SLC4A2: variants seen among roughly 807,000 people sequenced by gnomAD.
The protein encoded by SLC4A2 is solute carrier family 4 member 2.
Under a neutral mutation model 115.0 loss-of-function variants are expected in SLC4A2, and 36 were observed. The ratio of observed to expected loss-of-function variants is 0.31; its 90% CI spans 0.24 to 0.41. The LOEUF (loss-of-function observed/expected upper bound fraction) is 0.41. Among genes scored for constraint, SLC4A2 ranks in the 10% least tolerant of loss-of-function variants. The probability of loss-of-function intolerance (pLI) is 1.00; values close to 1 mark genes in which losing one functional copy is unlikely to be tolerated. For missense variants in SLC4A2, 1,252 were observed against 1,705.6 expected, an observed-to-expected ratio of 0.73 and a Z score of 4.68; for synonymous variants, 708 against 708.3, an observed-to-expected ratio of 1.00 and a Z score of 0.01.
Position 151,075,664 on chromosome 7 carries a change from A to C in SLC4A2, c.3360A>C (p.Gly1120=), listed in dbSNP as rs753504519. 2 of 1,609,642 alleles carry C rather than the reference A, an allele frequency of 1.2e-6. No homozygotes were observed. The highest frequency in any genetic ancestry group is 8.5e-7 in the Non-Finnish European group (1 of 1,178,362). Residue 1120 remains glycine (G), a synonymous_variant, in exon 21 of 23, where the codon GGA becomes GGC. Transcript: ENST00000413384. ...LRQIPLAVLF[G]IFLYMGVTSL... The stretch of plus-strand genomic sequence containing the variant: ...AGATCCCCCTGGCCGTGCTCTTTGG[A>C]ATTTTCCTGTACATGGGAGTCACCT...
Position 151,067,981 on chromosome 7 carries a change from G to A in SLC4A2, c.1074G>A (p.Glu358=), listed in dbSNP as rs757797132. ...KFEEDVEEET[E]RWGKPHVASL... is the part of the protein sequence containing the mutation. ...AAGAGGACGTGGAGGAGGAGACTGA[G>A]CGCTGGGGGAAGCCCCACGTGGCCT... is the stretch of plus-strand genomic sequence containing the variant. Residue 358 remains glutamate, a synonymous_variant, in exon 8 of 23, where the codon GAG becomes GAA. Coordinates refer to ENST00000413384, the MANE Select transcript of SLC4A2 (RefSeq NM_003040.4). 4 of 1,605,164 alleles carry A rather than the reference G, an allele frequency of 2.5e-6. No individual in the cohort carries two copies. Among genetic ancestry groups the A allele is most frequent in the Non-Finnish European group, 8.5e-7 (1 of 1,177,120 alleles).
At chr7:151,062,503 T>G in intron 2 of SLC4A2, 1 of 1,364,588 alleles carries the variant, frequency 7.3e-7, no homozygotes, top group East Asian at 2.8e-5. Flanking sequence ...CTTTGGATTT[T>G]CCTAAGGAGT....
At position 151,071,831 on chromosome 7, in the gene SLC4A2, C is replaced by T. The variant is rs984161473; in HGVS notation, c.2334C>T (p.Phe778=). Residue 778 remains phenylalanine, a synonymous_variant, in exon 15 of 23, where the codon TTC becomes TTT. Transcript: ENST00000413384. This position sits in a 1 kb window ranked among gnomAD's most constrained non-coding sequence, Gnocchi z 5.5. The part of the protein sequence containing the change: ...SGPLLVFEEA[F]FSFCSSNHLE... Reference sequence around the variant, plus strand: ...CCCTGCTGGTCTTTGAGGAGGCCTTCTTCTCGGTGAGGGCTCTTCTCGCCC... The same window carrying T: ...CCCTGCTGGTCTTTGAGGAGGCCTTTTTCTCGGTGAGGGCTCTTCTCGCCC... 2.5e-6 allele frequency: 4 copies of T among 1,602,032 alleles called. No individual in the cohort carries two copies. The highest frequency in any genetic ancestry group is 3.4e-6 in the Non-Finnish European group (4 of 1,175,940).
Position 151,070,925 on chromosome 7 carries a change from C to T in SLC4A2, c.1749+14C>T, listed in dbSNP as rs1445448742. 1.9e-6 allele frequency: 3 copies of T among 1,610,390 alleles called. No individual in the cohort carries two copies. The highest frequency in any genetic ancestry group is 2.5e-6 in the Non-Finnish European group (3 of 1,179,060). ...ATGTCAGACAAGGTCAGCTACCCTC[C>T]TCCTCTGGGCCCTGCTTCCTGGAGC... On this transcript the variant is annotated intron_variant, in intron 12 of 22. Coordinates refer to ENST00000413384, the MANE Select transcript of SLC4A2 (RefSeq NM_003040.4).
At chr7:151,073,921 C>G in intron 16 of SLC4A2, 118 bp from the exon 17 acceptor site, 1 of 1,095,404 alleles carries the variant, frequency 9.1e-7, no homozygotes, top group Non-Finnish European at 1.3e-6. Flanking sequence ...ACAAGACAAG[C>G]TCCTTGAAAG....
chr7:151,064,761 G>A lies in SLC4A2; in HGVS notation c.453G>A (p.Ser151=), dbSNP rs35033391. Residue 151 remains serine (S), a synonymous_variant, in exon 4 of 23, where the codon TCG becomes TCA. Coordinates refer to ENST00000413384, the MANE Select transcript of SLC4A2 (RefSeq NM_003040.4). ...CGTCCCCTGTCTCCACACCCTCCTC[G>A]GTGCAGGTGCGCTGGGTGCGGGCTC... ...TQPSPVSTPS[S]VQFFLQEDDS... The A allele has an allele frequency of 3.7e-5, 59 of 1,607,268 alleles. No individual in the cohort carries two copies. The highest frequency in any genetic ancestry group is 4.8e-5 in the Non-Finnish European group (57 of 1,175,262).
In SLC4A2 at chr7:151,067,894, G is replaced by A; in HGVS notation, c.987G>A (p.Glu329=). 6.2e-7 allele frequency: 1 copy of A among 1,612,434 alleles called. No individual in the cohort carries two copies. Among genetic ancestry groups the A allele is most frequent in the Non-Finnish European group, 8.5e-7 (1 of 1,179,508 alleles). ...CCAAGGTGTTTGTGGAGCTGAATGA[G>A]TTGCTCCTGGACAAAAACCAGGAGC... The part of the protein sequence containing the change: ...KPHEVFVELN[E]LLLDKNQEPQ... Residue 329 remains glutamate (E), a synonymous_variant, in exon 8 of 23, where the codon GAG becomes GAA. Coordinates refer to ENST00000413384, the MANE Select transcript of SLC4A2 (RefSeq NM_003040.4).
chr7:151,071,716 T>A lies in SLC4A2; in HGVS notation c.2219T>A (p.Val740Glu). The stretch of plus-strand genomic sequence containing the variant: ...GAGAAGACGCAGGACCTGATAGGGG[T>A]GTCGGAGCTGATTATGTCCACAGCG... ...LGEKTQDLIGVSELIMSTALQ... is the reference protein window; with the variant it reads ...LGEKTQDLIGESELIMSTALQ... Residue 740 changes from valine (V) to glutamate (E), a missense_variant, in exon 15 of 23, where the codon GTG (valine) becomes GAG (glutamate). By Grantham distance (121) the Val-to-Glu change is moderately radical. Transcript: ENST00000413384. The surrounding 1 kb of genome is among the most constrained non-coding windows in gnomAD (Gnocchi z 5.5). The A allele has an allele frequency of 6.2e-7, 1 of 1,610,666 alleles. No individual in the cohort carries two copies. The highest frequency in any genetic ancestry group is 8.5e-7 in the Non-Finnish European group (1 of 1,178,230).
chr7:151,068,143 G>A (rs1254422974), intron 8 of SLC4A2, 89 bp downstream of exon 8: 8 of 1,072,130 alleles, frequency 7.5e-6, no homozygotes, highest in African/African-American at 5.0e-5. Flanking sequence ...CCCACGTTGT[G>A]TGACAGCCCC....
intron 2 of SLC4A2, chr7:151,063,184 A>G (rs1311121974): frequency 3.7e-6 from 3 of 800,882 alleles, no homozygotes; most frequent in Non-Finnish European, 5.2e-6. Context: ...CCGCAGGATG[A>G]CTCAGGTGGG....
chr7:151,076,213 G>A, intron 22 of SLC4A2, 27 bp downstream of exon 22: 1 of 1,609,376 alleles, frequency 6.2e-7, no homozygotes, highest in Non-Finnish European at 8.5e-7. Context: ...GCCTCCCCCG[G>A]TTCCTCTTGC....
chr7:151,068,303 C>T (rs1266532468), intron 8 of SLC4A2, among the ~76,000 whole-genome samples: 2 of 152,176 alleles, frequency 1.3e-5, no homozygotes, highest in Non-Finnish European at 2.9e-5. Context: ...TTCTGAAATT[C>T]CTGGCATGCC....
rs575829399 is a variant in SLC4A2 at position 151,065,663 on chromosome 7, G to A, written c.578+697G>A. On this transcript the variant is annotated intron_variant, in intron 5 of 22. Coordinates refer to ENST00000413384, the MANE Select transcript of SLC4A2 (RefSeq NM_003040.4). ...AGGGCATGTTGTCCCCTCTGGGAGC[G>A]CATAACCTGCTGGGACCGTGGCACA... 1.4e-4 allele frequency among the ~76,000 whole-genome samples: 21 copies of A among 152,346 alleles called. No homozygotes were observed. In the South Asian group the frequency reaches 1.7e-3, roughly 12 times the overall value.
intron 1 of SLC4A2, 119 bp from the exon 2 acceptor site, chr7:151,061,806 G>T: frequency 1.7e-6 from 1 of 600,734 alleles, no homozygotes; most frequent in Non-Finnish European, 3.0e-6. Flanking sequence ...TGTGGCTGCC[G>T]CTAAGGGCCA....
At chr7:151,070,682 G>A (rs552827760) in intron 11 of SLC4A2, 45 bp from the exon 12 acceptor site, 33 of 1,606,640 alleles carry the variant, frequency 2.1e-5, no homozygotes, top group African/African-American at 8.0e-5. Context: ...ACTGGAAGGC[G>A]GTCCTGCTGC....
chr7:151,076,009 C>T lies in SLC4A2; in HGVS notation c.3472-4C>T, dbSNP rs1476197708. 3 of 1,582,710 alleles carry T rather than the reference C, an allele frequency of 1.9e-6. No homozygotes were observed. The highest frequency in any genetic ancestry group is 1.7e-4 in the Middle Eastern group (1 of 5,900). ...AGCTGGGCTCACCTGTCTCCGCCCCCCAGGTCCGGACCCTCCGTATGCACC... is the reference window on the plus strand; with the variant it reads ...AGCTGGGCTCACCTGTCTCCGCCCCTCAGGTCCGGACCCTCCGTATGCACC... On this transcript the variant is annotated splice_polypyrimidine_tract_variant and splice_region_variant and intron_variant, in intron 21 of 22. Transcript: ENST00000413384.
rs2303937 is a variant in SLC4A2 at position 151,071,699 on chromosome 7, G to A, written c.2202G>A (p.Thr734=). 0.45 allele frequency: 730,304 copies of A among 1,608,334 alleles called. 168,097 individuals carry two copies. The highest frequency in any genetic ancestry group is 0.62 in the Admixed American group (36,780 of 59,588). ...ITFGGLLGEK[T]QDLIGVSELI... is the part of the protein sequence containing the mutation. ...TTCCTACACCCCTAGGAGAGAAGAC[G>A]CAGGACCTGATAGGGGTGTCGGAGC... Residue 734 remains threonine, a synonymous_variant, in exon 15 of 23, where the codon ACG becomes ACA. Coordinates refer to ENST00000413384, the MANE Select transcript of SLC4A2 (RefSeq NM_003040.4). The surrounding 1 kb of genome is among the most constrained non-coding windows in gnomAD (Gnocchi z 5.5).
chr7:151,069,147 A>AAAAAAAAAAAAAAAAAAAAC, intron 8 of SLC4A2, among the ~76,000 whole-genome samples: 1 of 145,164 alleles, frequency 6.9e-6, no homozygotes, highest in Non-Finnish European at 1.5e-5. Context: ...CACCAAAAAA[A>AAAAAAAAAAAAAAAAAAAAC]AAAAAAAAAA....
rs1428154029 is a variant in SLC4A2, at chr7:151,076,163, T to G, written c.3622T>G (p.Phe1208Val). Residue 1208 changes from phenylalanine (F) to valine (V), a missense_variant, in exon 22 of 23, where the codon TTC becomes GTC. Physicochemically the swap from Phe to Val is conservative, Grantham distance 50. This residue lies in a region of SLC4A2 where 52 missense variants were observed against 40.6 expected (regional missense o/e 1.28). Coordinates refer to ENST00000413384, the MANE Select transcript of SLC4A2 (RefSeq NM_003040.4). ...CCGCATGGTGGTGCTCACCCGTATC[T>G]TCACCGACCGAGAGATGAAATGTGT... ...PLRMVVLTRI[F>V]TDREMKCLDA... is the part of the protein sequence containing the mutation. 1 of 1,610,902 alleles carries G rather than the reference T, an allele frequency of 6.2e-7. No individual in the cohort carries two copies. The highest frequency in any genetic ancestry group is 2.2e-5 in the East Asian group (1 of 44,866).
Sources: gnomAD v4.1 joint callset for allele counts (sites outside exome capture counted in the v4.1 genomes callset) on GRCh38, gnomAD v4.1.1 for gene constraint, gnomAD v4.1.1 regional missense constraint, Gnocchi (gnomAD v3.1) non-coding constraint, MANE v1.5 for transcripts, NCBI Gene and HGNC (gene_info 2026-07-23, HGNC 2026-07-21) for gene names.